The following YME1L1 variants were observed in gnomAD, a reference collection of about 807,000 sequenced individuals.
The protein encoded by YME1L1 is YME1 like 1 ATPase.
A neutral mutation model predicts 90.4 loss-of-function variants in YME1L1; 39 were observed. That is an observed-to-expected ratio of 0.43 (90% confidence interval 0.33 to 0.56). The LOEUF (loss-of-function observed/expected upper bound fraction) is 0.56. YME1L1 is among the 20% of genes least tolerant of loss of function. The pLI is 0.03. For missense variants in YME1L1, 617 were observed against 868.4 expected, an observed-to-expected ratio of 0.71 and a Z score of 3.64; for synonymous variants, 284 against 287.3, an observed-to-expected ratio of 0.99 and a Z score of 0.12.
chr10:27,125,831 G>A (rs2056913354), intron 9 of YME1L1, among the ~76,000 whole-genome samples: 1 of 151,878 alleles, frequency 6.6e-6, no homozygotes, highest in Admixed American at 6.6e-5. Flanking sequence ...TAGAGACAGG[G>A]TTTCACCATG....
intron 9 of YME1L1, among the ~76,000 whole-genome samples, chr10:27,125,025 T>G (rs991568344): frequency 1.3e-5 from 2 of 152,224 alleles, no homozygotes; most frequent in African/African-American, 2.4e-5. Flanking sequence ...TAGCAAAGGT[T>G]ACTGCAAATA....
At chr10:27,138,693 T>G (rs901806967) in intron 4 of YME1L1, among the ~76,000 whole-genome samples, 2 of 152,180 alleles carry the variant, frequency 1.3e-5, no homozygotes, top group African/African-American at 4.8e-5. Context: ...GCCTTTTGGA[T>G]GATTTTCTTG....
At chr10:27,125,220 C>A (rs2056904624) in intron 9 of YME1L1, among the ~76,000 whole-genome samples, 3 of 152,058 alleles carry the variant, frequency 2.0e-5, no homozygotes, top group South Asian at 4.1e-4. Context: ...AGCAAAAAAA[C>A]TGGAAACCAT....
chr10:27,147,325 C>A, intron 2 of YME1L1: 2 of 1,201,142 alleles, frequency 1.7e-6, no homozygotes, highest in Non-Finnish European at 2.3e-6. Flanking sequence ...AAGACCCTGT[C>A]TTTACAAAAA....
chr10:27,127,783 A>T (rs999542122), intron 8 of YME1L1, among the ~76,000 whole-genome samples: 1 of 152,220 alleles, frequency 6.6e-6, no homozygotes, highest in Non-Finnish European at 1.5e-5. Flanking sequence ...CTGGGTACTT[A>T]TAACACAGAC....
At chr10:27,140,824 T>C (rs1464975807) in intron 4 of YME1L1, among the ~76,000 whole-genome samples, 1 of 152,174 alleles carries the variant, frequency 6.6e-6, no homozygotes, top group Non-Finnish European at 1.5e-5. Flanking sequence ...TGGATTTTTA[T>C]CTTTATTTTC....
chr10:27,148,965 A>ACT lies in YME1L1; in HGVS notation c.108_109insAG (p.Val38GlnfsTer10). The ACT allele has an allele frequency of 6.2e-7, 1 of 1,614,132 alleles. No individual in the cohort carries two copies. The highest frequency in any genetic ancestry group is 1.1e-5 in the South Asian group (1 of 91,084). On this transcript the variant is annotated frameshift_variant, in exon 2 of 19. Coordinates refer to ENST00000376016, the MANE Select transcript of YME1L1 (RefSeq NM_014263.4). LOFTEE classifies it high-confidence loss of function. ...TCTCGATGCTGGTTTTGAGAAACTG[A>ACT]CACTCCACTGAGAGAAACAGAAGTG... is the stretch of plus-strand genomic sequence containing the variant.
chr10:27,124,990 C>A (rs1338425482), intron 9 of YME1L1, among the ~76,000 whole-genome samples: 1 of 152,130 alleles, frequency 6.6e-6, no homozygotes, highest in African/African-American at 2.4e-5. Context: ...TTATTAAGCA[C>A]TGATTTAATA....
rs769816429 is a variant in YME1L1, at chr10:27,117,618, G to T, written c.1677C>A (p.Ile559=). The change falls in exon 15 of 19, where the codon ATC becomes ATA. Residue 559 remains isoleucine, a synonymous_variant. Transcript: ENST00000376016. ...IAYYTKDAMP[I]NKATIMPRGP... is the part of the protein sequence containing the mutation. ...CCCGTGGCATGATTGTAGCTTTGTT[G>T]ATAGGCATTGCATCTTTTGTGTAAT... 1 of 1,614,172 alleles carries T rather than the reference G, an allele frequency of 6.2e-7. No homozygotes were observed. The highest frequency in any genetic ancestry group is 2.2e-5 in the East Asian group (1 of 44,882).
chr10:27,147,713 T>C, intron 2 of YME1L1: 1 of 1,548,488 alleles, frequency 6.5e-7, no homozygotes, highest in Non-Finnish European at 8.7e-7. Context: ...TATGCTCATT[T>C]AGCAAGTTCC....
intron 5 of YME1L1, 22 bp from the exon 6 acceptor site, chr10:27,135,003 C>T (rs751651712): frequency 1.1e-5 from 18 of 1,607,206 alleles, no homozygotes; most frequent in East Asian, 2.2e-5. Context: ...AACAACACAT[C>T]AGTACTGGTT....
chr10:27,125,790 G>A (rs1469237695), intron 9 of YME1L1, among the ~76,000 whole-genome samples: 2 of 151,908 alleles, frequency 1.3e-5, no homozygotes, highest in East Asian at 3.9e-4. Context: ...ACAGGCGCCT[G>A]CCACCAAGCC....
At chr10:27,130,470 A>G (rs538003140) in intron 8 of YME1L1, among the ~76,000 whole-genome samples, 7 of 152,320 alleles carry the variant, frequency 4.6e-5, no homozygotes, top group Non-Finnish European at 8.8e-5. Flanking sequence ...TATCCAAGTT[A>G]CTCAACACTT....
At chr10:27,139,200 CATATATAT>C in intron 4 of YME1L1, among the ~76,000 whole-genome samples, 1 of 151,760 alleles carries the variant, frequency 6.6e-6, no homozygotes, top group Non-Finnish European at 1.5e-5. Flanking sequence ...TACATATATA[CATATATAT>C]ATTTTTTAGA....
chr10:27,147,590 T>C lies in YME1L1; in HGVS notation c.168+1316A>G, dbSNP rs944917717. On this transcript the variant is annotated intron_variant, in intron 2 of 18. Coordinates refer to ENST00000376016, the MANE Select transcript of YME1L1 (RefSeq NM_014263.4). ...ATCCTTTTTGCTGGCTCCATGAACA[T>C]GGATCTGTACCCTTCGAATATTTTT... The C allele has an allele frequency of 5.0e-6, 8 of 1,584,230 alleles. No individual in the cohort carries two copies. The highest frequency in any genetic ancestry group is 6.0e-6 in the Non-Finnish European group (7 of 1,165,048).
chr10:27,113,859 C>A (rs1217517456), intron 18 of YME1L1, among the ~76,000 whole-genome samples: 6 of 149,818 alleles, frequency 4.0e-5, no homozygotes, highest in Non-Finnish European at 8.9e-5. Flanking sequence ...AAAAAACCAA[C>A]AATAAAACAC....
chr10:27,115,493 T>A (rs1420094355), intron 17 of YME1L1, among the ~76,000 whole-genome samples: 1 of 151,752 alleles, frequency 6.6e-6, no homozygotes, highest in African/African-American at 2.4e-5. Context: ...TGTATTTTTT[T>A]AGAGATGGGG....
At chr10:27,117,084 G>A (rs535205972) in intron 15 of YME1L1, among the ~76,000 whole-genome samples, 17 of 152,204 alleles carry the variant, frequency 1.1e-4, no homozygotes, top group African/African-American at 3.1e-4. Flanking sequence ...CCTTTATAAA[G>A]CAACAACAAT....
At chr10:27,153,346 C>T (rs2135916522) in intron 1 of YME1L1, 1 of 444,748 alleles carries the variant, frequency 2.2e-6, no homozygotes, top group Non-Finnish European at 4.5e-6. Flanking sequence ...GGAACACAAT[C>T]ATATGCTTAA....
Sources: gnomAD v4.1 joint callset for allele counts (sites outside exome capture counted in the v4.1 genomes callset) on GRCh38, gnomAD v4.1.1 for gene constraint, MANE v1.5 for transcripts, NCBI Gene and HGNC (gene_info 2026-07-23, HGNC 2026-07-21) for gene names.